The following DDX24 variants were observed in gnomAD, a reference collection of about 807,000 sequenced individuals.
DDX24 encodes DEAD-box helicase 24, also known as ATP-dependent RNA helicase DDX24.
DDX24 carries 24 observed loss-of-function variants against 68.9 expected under a neutral mutation model. The observed-to-expected ratio is 0.35, with a 90% confidence interval of 0.25 to 0.49. DDX24 has a LOEUF of 0.49. Ranked by LOEUF, DDX24 falls within the 20% of genes least tolerant of loss-of-function variation. DDX24 has a pLI of 0.99. For synonymous variants in DDX24, 395 were observed against 385.2 expected (o/e 1.03, Z -0.30); for missense variants, 989 against 1,039.0 (o/e 0.95, Z 0.66).
At chr14:94,062,924 C>G (rs1019357453) in intron 2 of DDX24, among the ~76,000 whole-genome samples, 4 of 152,196 alleles carry the variant, frequency 2.6e-5, no homozygotes, top group African/African-American at 9.7e-5. Context: ...TGTGTTGTTT[C>G]TGTGAGGAGC....
Position 94,061,069 on chromosome 14 carries a change from A to G in DDX24, c.1244-3T>C, listed in dbSNP as rs1885587576. The G allele has an allele frequency of 1.2e-6, 2 of 1,613,708 alleles. No homozygotes were observed. Among genetic ancestry groups the G allele is most frequent in the East Asian group, 2.2e-5 (1 of 44,876 alleles). ...AACCAAAATAGCAGTTTTAATTCCTATGGGACAGAAAACATAAGGGACACT... is the reference window on the plus strand; with the variant it reads ...AACCAAAATAGCAGTTTTAATTCCTGTGGGACAGAAAACATAAGGGACACT... On this transcript the variant is annotated splice_region_variant and splice_polypyrimidine_tract_variant and intron_variant, in intron 3 of 8. Transcript: ENST00000621632.
At chr14:94,066,457 C>T (rs1407431156) in intron 2 of DDX24, among the ~76,000 whole-genome samples, 2 of 152,196 alleles carry the variant, frequency 1.3e-5, no homozygotes, top group Non-Finnish European at 2.9e-5. Flanking sequence ...TAGGGCCCTA[C>T]CCACTGCTGG....
intron 2 of DDX24, among the ~76,000 whole-genome samples, chr14:94,076,201 G>A (rs1262912157): frequency 6.6e-6 from 1 of 152,048 alleles, no homozygotes; most frequent in East Asian, 1.9e-4. Context: ...ACAAGAAAAA[G>A]CACAAATGTC....
In DDX24 at chr14:94,048,311, TATG is replaced by T. The variant is rs1346517229; in HGVS notation, c.*2877_*2879del. 2 of 152,246 alleles carry T rather than the reference TATG, an allele frequency of 1.3e-5. No individual in the cohort carries two copies. The highest frequency in any genetic ancestry group is 4.8e-5 in the African/African-American group (2 of 41,456). 9.4% of individuals were successfully genotyped at this position (152,246 alleles called of 1,614,324 possible). ...CTTGTTTTTACAACTGCATGTTTAT[TATG>T]ATACTTTCTCTCCAAAGGAAACTTT... On this transcript the variant is annotated 3_prime_UTR_variant, in exon 9 of 9. Transcript: ENST00000621632.
chr14:94,066,331 C>G (rs1468703857), intron 2 of DDX24, among the ~76,000 whole-genome samples: 1 of 152,148 alleles, frequency 6.6e-6, no homozygotes, highest in Non-Finnish European at 1.5e-5. Flanking sequence ...CCCACAACAC[C>G]CACAACAAGA....
intron 2 of DDX24, among the ~76,000 whole-genome samples, chr14:94,063,583 CAAAG>C (rs887813102): frequency 1.3e-5 from 2 of 152,134 alleles, no homozygotes; most frequent in Non-Finnish European, 2.9e-5. Context: ...TGGATGTACC[CAAAG>C]AAATAAAGAG....
At chr14:94,070,154 A>G (rs1237100799) in intron 2 of DDX24, among the ~76,000 whole-genome samples, 2 of 152,182 alleles carry the variant, frequency 1.3e-5, no homozygotes, top group Non-Finnish European at 1.5e-5. Flanking sequence ...CTGATAAACA[A>G]TTCAGCAAAG....
chr14:94,072,169 C>T (rs1366060700), intron 2 of DDX24, among the ~76,000 whole-genome samples: 2 of 152,204 alleles, frequency 1.3e-5, no homozygotes, highest in Non-Finnish European at 2.9e-5. Context: ...TTTATAGCAG[C>T]ACAATTCACA....
At chr14:94,061,164 A>G in intron 3 of DDX24, 98 bp from the exon 4 acceptor site, 1 of 1,401,192 alleles carries the variant, frequency 7.1e-7, no homozygotes. Context: ...GACAGACATC[A>G]GCACAGTGTA....
rs781564475 is a variant in DDX24, at chr14:94,079,078, G to C, written c.665C>G (p.Thr222Ser). 2 of 1,614,222 alleles carry C rather than the reference G, an allele frequency of 1.2e-6. No homozygotes were observed. The highest frequency in any genetic ancestry group is 1.7e-6 in the Non-Finnish European group (2 of 1,180,044). Residue 222 changes from threonine (T) to serine (S), a missense_variant, in exon 2 of 9, where the codon ACC becomes AGC. Thr to Ser is a moderately conservative substitution (Grantham distance 58). This residue lies in a region of DDX24 where 295 missense variants were observed against 263.0 expected (regional missense o/e 1.12). Transcript: ENST00000621632. The part of the protein sequence containing the change: ...FSAPTPIQAL[T>S]LAPAIRDKLD... Reference sequence around the variant, plus strand: ...TTTGTCACGGATGGCAGGTGCCAAGGTCAGGGCTTGGATTGGTGTGGGTGC... The same window carrying C: ...TTTGTCACGGATGGCAGGTGCCAAGCTCAGGGCTTGGATTGGTGTGGGTGC...
chr14:94,072,878 T>A (rs1264632590), intron 2 of DDX24, among the ~76,000 whole-genome samples: 2 of 151,374 alleles, frequency 1.3e-5, no homozygotes, highest in Non-Finnish European at 2.9e-5. Context: ...ATACCACTTG[T>A]ACACCAATAA....
intron 2 of DDX24, among the ~76,000 whole-genome samples, chr14:94,077,109 C>T (rs1416496871): frequency 1.3e-5 from 2 of 152,192 alleles, no homozygotes; most frequent in African/African-American, 4.8e-5. Flanking sequence ...TGCTAATAGA[C>T]TGCTTATGTT....
At chr14:94,052,883 G>T in intron 8 of DDX24, 115 bp downstream of exon 8, 1 of 1,415,192 alleles carries the variant, frequency 7.1e-7, no homozygotes, top group Non-Finnish European at 9.5e-7. Context: ...GCAAAGAGGG[G>T]GAAGGACGCC....
At chr14:94,081,004 G>C (rs1231799464) in intron 1 of DDX24, 115 bp downstream of exon 1, 1 of 152,226 alleles carries the variant, frequency 6.6e-6, no homozygotes, top group African/African-American at 2.4e-5. Context: ...GCCGGCGGCC[G>C]CCCTCTCTGG....
At chr14:94,076,463 A>G (rs1456137049) in intron 2 of DDX24, among the ~76,000 whole-genome samples, 1 of 152,136 alleles carries the variant, frequency 6.6e-6, no homozygotes, top group Non-Finnish European at 1.5e-5. Context: ...CAGGCAGGTC[A>G]TGAGGGCAGG....
chr14:94,056,552 A>G (rs1885495808), intron 6 of DDX24: 1 of 152,212 alleles, frequency 6.6e-6, no homozygotes, highest in African/African-American at 2.4e-5. Context: ...CAGCCTATAC[A>G]TCTCCCCATC....
intron 2 of DDX24, among the ~76,000 whole-genome samples, chr14:94,067,751 G>T (rs965447252): frequency 6.6e-6 from 1 of 152,132 alleles, no homozygotes; most frequent in African/African-American, 2.4e-5. Flanking sequence ...CATATATGAA[G>T]GAAAGATACA....
intron 6 of DDX24, 32 bp from the exon 7 acceptor site, chr14:94,055,216 T>C (rs1223048521): frequency 2.5e-6 from 4 of 1,600,094 alleles, no homozygotes; most frequent in Non-Finnish European, 2.6e-6. Context: ...GATCAATACA[T>C]GGCCACTGCC....
intron 2 of DDX24, 110 bp from the exon 3 acceptor site, chr14:94,062,731 C>T: frequency 3.0e-6 from 4 of 1,336,936 alleles, no homozygotes; most frequent in Non-Finnish European, 4.0e-6. Context: ...AAGTGCCACC[C>T]TGACCGACCC....
Sources: allele counts gnomAD v4.1 joint callset (sites outside exome capture counted in the v4.1 genomes callset), GRCh38; gene constraint gnomAD v4.1.1; regional missense constraint gnomAD v4.1.1; transcripts MANE v1.5; gene names NCBI Gene and HGNC (gene_info 2026-07-23, HGNC 2026-07-21).